TET2: variants seen among roughly 807,000 people sequenced by gnomAD.
TET2 encodes tet methylcytosine dioxygenase 2, also known as methylcytosine dioxygenase TET2.
Under a neutral mutation model 142.9 loss-of-function variants are expected in TET2, and 299 were observed. That is an observed-to-expected ratio of 2.09 (90% confidence interval 1.90 to 2.30). The LOEUF (loss-of-function observed/expected upper bound fraction) is 2.30, where lower values mean the gene tolerates loss of function less well. Among genes scored for constraint, TET2 ranks in the 30% most tolerant of loss-of-function variants. The probability of loss-of-function intolerance (pLI) is 0.00; values close to 1 mark genes in which losing one functional copy is unlikely to be tolerated. For synonymous variants in TET2, 819 were observed against 849.0 expected (o/e 0.96, Z 0.61); for missense variants, 2,418 against 2,378.0 (o/e 1.02, Z -0.35).
At chr4:105,180,642 AT>A (rs112365489) in intron 1 of TET2, among the ~76,000 whole-genome samples, 36,004 of 146,580 alleles carry the variant, frequency 0.25, 4,535 homozygotes, top group Middle Eastern at 0.33. Context: ...CCATTTTATC[AT>A]TTTTTTTTTT....
At chr4:105,259,841 A>G (rs1461880913) in intron 7 of TET2, 72 bp downstream of exon 7, 20 of 1,413,562 alleles carry the variant, frequency 1.4e-5, no homozygotes, top group Non-Finnish European at 1.8e-5. Context: ...GAAGTGAACA[A>G]TATGACATAT....
chr4:105,204,474 A>G (rs2110522891), intron 2 of TET2, among the ~76,000 whole-genome samples: 1 of 152,294 alleles, frequency 6.6e-6, no homozygotes, highest in South Asian at 2.1e-4. Context: ...ATTCTCAACT[A>G]AGAATAATTT....
intron 6 of TET2, among the ~76,000 whole-genome samples, chr4:105,250,888 G>T (rs187778437): frequency 1.3e-5 from 2 of 151,888 alleles, no homozygotes; most frequent in East Asian, 3.9e-4. Flanking sequence ...CACCATGTTG[G>T]CCAGGCTGGT....
chr4:105,212,921 C>T (rs1055478331), intron 2 of TET2, among the ~76,000 whole-genome samples: 8 of 151,936 alleles, frequency 5.3e-5, no homozygotes, highest in Non-Finnish European at 1.2e-4. Context: ...ACCCAGGAGG[C>T]GGAGGTTGCA....
chr4:105,227,265 A>G (rs983711756), intron 2 of TET2, among the ~76,000 whole-genome samples: 2 of 152,220 alleles, frequency 1.3e-5, no homozygotes, highest in Non-Finnish European at 2.9e-5. Flanking sequence ...GGTTTTCCCA[A>G]AGGTTCTTCT....
chr4:105,230,376 G>C (rs1381473178), intron 2 of TET2, among the ~76,000 whole-genome samples: 2 of 152,152 alleles, frequency 1.3e-5, no homozygotes, highest in African/African-American at 4.8e-5. Flanking sequence ...GTCAAGGAAA[G>C]TGTTTCTGAA....
chr4:105,253,299 A>C (rs960048422), intron 6 of TET2, among the ~76,000 whole-genome samples: 4 of 152,148 alleles, frequency 2.6e-5, no homozygotes, highest in African/African-American at 9.6e-5. Context: ...TTGACAATAC[A>C]CATCTTCCTA....
At position 105,198,835 on chromosome 4, in the gene TET2, C is replaced by A. The variant is rs1208477420; in HGVS notation, c.-47+8330C>A. 4.6e-5 allele frequency among the ~76,000 whole-genome samples: 7 copies of A among 152,286 alleles called. No individual in the cohort carries two copies. In the East Asian group the frequency reaches 9.6e-4, roughly 21 times the overall value. ...TGTGGGAGTCGAGTAGTCAGAACTT[C>A]AAGTGTCAAAACATGATAGTCTCAT... On this transcript the variant is annotated intron_variant, in intron 2 of 10. Coordinates refer to ENST00000380013, the MANE Select transcript of TET2 (RefSeq NM_001127208.3).
intron 6 of TET2, among the ~76,000 whole-genome samples, chr4:105,258,603 CAA>C (rs1730260406): frequency 6.6e-6 from 1 of 152,102 alleles, no homozygotes; most frequent in Non-Finnish European, 1.5e-5. Context: ...GAGATTAACT[CAA>C]ATCATTAATT....
chr4:105,250,380 A>ATTTTT (rs59695275), intron 6 of TET2, among the ~76,000 whole-genome samples: 633 of 60,294 alleles, frequency 0.01, 74 homozygotes, highest in Non-Finnish European at 0.014. Context: ...TCCTTTCTGG[A>ATTTTT]TTTTTTTTTT....
chr4:105,151,083 G>A (rs1368000397), intron 1 of TET2, among the ~76,000 whole-genome samples: 1 of 152,098 alleles, frequency 6.6e-6, no homozygotes, highest in Admixed American at 6.5e-5. Context: ...ACTTTGGGAG[G>A]CCAAGGTGAG....
chr4:105,188,397 T>C lies in TET2; in HGVS notation c.-192-1963T>C, dbSNP rs569233987. Among the ~76,000 whole-genome samples, 5 of 152,208 alleles carry C rather than the reference T, an allele frequency of 3.3e-5. No homozygotes were observed. The East Asian group carries it at 9.7e-4, about 29-fold the overall frequency. On this transcript the variant is annotated intron_variant, in intron 1 of 10. Coordinates refer to ENST00000380013, the MANE Select transcript of TET2 (RefSeq NM_001127208.3). ...AAATGGGAAGTTATTGTTTAATGAG[T>C]ATAGAATTTCTGTTTAGGAAGATGA...
At chr4:105,261,278 G>GC (rs1203341515) in intron 7 of TET2, among the ~76,000 whole-genome samples, 3 of 152,044 alleles carry the variant, frequency 2.0e-5, no homozygotes, top group African/African-American at 7.2e-5. Flanking sequence ...TAGTTCTGAA[G>GC]CATTTTATCC....
rs587778707 is a variant in TET2 at position 105,236,977 on chromosome 4, C to T, written c.3035C>T (p.Pro1012Leu). 93 of 1,613,970 alleles carry T rather than the reference C, an allele frequency of 5.8e-5. No individual in the cohort carries two copies. Among genetic ancestry groups the T allele is most frequent in the Middle Eastern group, 3.3e-4 (2 of 6,084 alleles). Reference protein sequence around the residue: ...TWKKVTKQENPPASCDNVQQK... With the variant: ...TWKKVTKQENLPASCDNVQQK... ...AAAAAGGTAACTAAGCAAGAGAATC[C>T]ACCTGCAAGCTGTGATAATGTGCAG... is the stretch of plus-strand genomic sequence containing the variant. Residue 1012 changes from proline to leucine, a missense_variant, in exon 3 of 11, where the codon CCA (proline) becomes CTA (leucine). Pro to Leu is a moderately conservative substitution (Grantham distance 98). Coordinates refer to ENST00000380013, the MANE Select transcript of TET2 (RefSeq NM_001127208.3).
At chr4:105,174,578 T>C (rs1724670248) in intron 1 of TET2, among the ~76,000 whole-genome samples, 1 of 152,068 alleles carries the variant, frequency 6.6e-6, no homozygotes, top group African/African-American at 2.4e-5. Context: ...AAGGAAAATT[T>C]TTGTGGGAAC....
intron 1 of TET2, among the ~76,000 whole-genome samples, chr4:105,158,647 TAAGC>T (rs1348078983): frequency 6.6e-6 from 1 of 152,114 alleles, no homozygotes; most frequent in Non-Finnish European, 1.5e-5. Flanking sequence ...CTGAAGTAAA[TAAGC>T]AAGCAGGAAT....
rs1362370992 is a variant in TET2 at position 105,275,851 on chromosome 4, C to T, written c.5341C>T (p.His1781Tyr). Reference protein sequence around the residue: ...GMFNSSLHALHLQNKENDMLS... With the variant: ...GMFNSSLHALYLQNKENDMLS... ...GTTCAACAGCTCTCTTCATGCCCTG[C>T]ATCTCCAAAACAAGGAGAATGACAT... The change falls in exon 11 of 11, where the codon CAT becomes TAT. Residue 1781 changes from histidine to tyrosine, a missense_variant. Transcript: ENST00000380013. The T allele has an allele frequency of 6.4e-7, 1 of 1,551,878 alleles. No homozygotes were observed.
chr4:105,189,552 C>T (rs916853760), intron 1 of TET2, among the ~76,000 whole-genome samples: 3 of 152,170 alleles, frequency 2.0e-5, no homozygotes, highest in Non-Finnish European at 4.4e-5. Context: ...AACGCTTTCT[C>T]CCCATTCCTC....
intron 2 of TET2, among the ~76,000 whole-genome samples, chr4:105,211,206 T>C (rs1044833993): frequency 6.6e-6 from 1 of 152,232 alleles, no homozygotes; most frequent in Non-Finnish European, 1.5e-5. Context: ...CAGATAGATA[T>C]CAGCAAATCA....
Sources: gnomAD v4.1 joint callset for allele counts (sites outside exome capture counted in the v4.1 genomes callset) on GRCh38, gnomAD v4.1.1 for gene constraint, MANE v1.5 for transcripts, NCBI Gene and HGNC (gene_info 2026-07-23, HGNC 2026-07-21) for gene names.